PTPRD: variants seen among roughly 807,000 people sequenced by gnomAD.
PTPRD encodes receptor-type tyrosine-protein phosphatase delta.
A neutral mutation model predicts 214.5 loss-of-function variants in PTPRD; 34 were observed. The ratio of observed to expected loss-of-function variants is 0.16; its 90% CI spans 0.12 to 0.21. The LOEUF is 0.21. Ranked by LOEUF, PTPRD falls within the 10% of genes least tolerant of loss-of-function variation. The pLI is 1.00. For synonymous variants in PTPRD, 1,128 were observed against 845.7 expected, an observed-to-expected ratio of 1.33 and a Z score of -5.79; for missense variants, 2,545 against 2,398.7, an observed-to-expected ratio of 1.06 and a Z score of -1.27.
chr9:9,527,758 T>C (rs1016339006), intron 8 of PTPRD, among the ~76,000 whole-genome samples: 1 of 152,184 alleles, frequency 6.6e-6, no homozygotes, highest in Non-Finnish European at 1.5e-5. Context: ...ACAGAAGTAA[T>C]TGGGAAATTT....
At chr9:10,200,083 G>A (rs2099413569) in intron 3 of PTPRD, among the ~76,000 whole-genome samples, 1 of 151,916 alleles carries the variant, frequency 6.6e-6, no homozygotes, top group African/African-American at 2.4e-5. Flanking sequence ...TAATATTAGT[G>A]ATCAACACAT....
chr9:8,429,625 G>A (rs12335696), intron 35 of PTPRD, among the ~76,000 whole-genome samples: 1 of 152,066 alleles, frequency 6.6e-6, no homozygotes, highest in Non-Finnish European at 1.5e-5. Context: ...TCATATAAAA[G>A]GGTCATTATC....
chr9:8,979,529 C>G (rs1355430074), intron 11 of PTPRD, among the ~76,000 whole-genome samples: 1 of 151,960 alleles, frequency 6.6e-6, no homozygotes, highest in African/African-American at 2.4e-5. Flanking sequence ...AGAACTCTTA[C>G]AATGCAATAG....
At chr9:10,120,800 C>G (rs983877397) in intron 3 of PTPRD, among the ~76,000 whole-genome samples, 1 of 152,052 alleles carries the variant, frequency 6.6e-6, no homozygotes, top group African/African-American at 2.4e-5. Flanking sequence ...CTCTGACTCA[C>G]TTATCTTAAT....
intron 5 of PTPRD, among the ~76,000 whole-genome samples, chr9:9,789,946 CAG>C (rs2098955759): frequency 6.6e-6 from 1 of 151,148 alleles, no homozygotes; most frequent in African/African-American, 2.4e-5. Flanking sequence ...TCTTCAAAAA[CAG>C]AGGTTAATCA....
intron 5 of PTPRD, among the ~76,000 whole-genome samples, chr9:9,865,152 A>C (rs1272084787): frequency 1.3e-5 from 2 of 152,214 alleles, no homozygotes; most frequent in African/African-American, 4.8e-5. Context: ...CATTGGGATG[A>C]ATGACAAAAA....
intron 9 of PTPRD, among the ~76,000 whole-genome samples, chr9:9,279,231 C>T (rs1210499154): frequency 6.7e-6 from 1 of 149,606 alleles, no homozygotes; most frequent in East Asian, 2.0e-4. Context: ...TACATATATG[C>T]ATATATCTAT....
rs559859775 is a variant in PTPRD at position 8,610,477 on chromosome 9, A to G, written c.352+22840T>C. Among the ~76,000 whole-genome samples, 10 of 152,276 alleles carry G rather than the reference A, an allele frequency of 6.6e-5. No individual in the cohort carries two copies. In the South Asian group the frequency reaches 2.1e-3, roughly 32 times the overall value. ...CAGCCCAGTGTCCCAGCCACACCAC[A>G]TGGTCTCCTATAGATACCTGAATCC... is the stretch of plus-strand genomic sequence containing the variant. On this transcript the variant is annotated intron_variant, in intron 14 of 45. Transcript: ENST00000381196.
At chr9:9,634,234 G>A (rs1302462370) in intron 7 of PTPRD, among the ~76,000 whole-genome samples, 1 of 152,064 alleles carries the variant, frequency 6.6e-6, no homozygotes, top group Non-Finnish European at 1.5e-5. Context: ...TGGATATACT[G>A]AAATTACTAT....
At chr9:9,305,888 T>C (rs1270347797) in intron 9 of PTPRD, among the ~76,000 whole-genome samples, 1 of 152,128 alleles carries the variant, frequency 6.6e-6, no homozygotes, top group Non-Finnish European at 1.5e-5. Flanking sequence ...AGGAAGAATT[T>C]TTTTCCTAGC....
chr9:9,806,455 T>A (rs1331815386), intron 5 of PTPRD, among the ~76,000 whole-genome samples: 1 of 152,020 alleles, frequency 6.6e-6, no homozygotes, highest in Non-Finnish European at 1.5e-5. Flanking sequence ...CCCGCTCTTG[T>A]GACAATACAC....
chr9:8,386,605 G>A (rs575105606), intron 37 of PTPRD, among the ~76,000 whole-genome samples: 1 of 152,156 alleles, frequency 6.6e-6, no homozygotes. Context: ...TAGTTCCAAT[G>A]TCTGCTTTGA....
At chr9:8,654,170 C>T (rs1180933569) in intron 12 of PTPRD, among the ~76,000 whole-genome samples, 1 of 152,174 alleles carries the variant, frequency 6.6e-6, no homozygotes, top group Non-Finnish European at 1.5e-5. Context: ...AGTTTTAGCA[C>T]CAAAACTACT....
At chr9:9,327,577 T>C (rs1468626508) in intron 9 of PTPRD, among the ~76,000 whole-genome samples, 1 of 152,156 alleles carries the variant, frequency 6.6e-6, no homozygotes, top group Non-Finnish European at 1.5e-5. Flanking sequence ...TGACAGATAG[T>C]AATAACATCT....
chr9:8,630,534 G>A (rs932300672), intron 14 of PTPRD, among the ~76,000 whole-genome samples: 1 of 151,640 alleles, frequency 6.6e-6, no homozygotes, highest in African/African-American at 2.4e-5. Flanking sequence ...TTAAGATTAT[G>A]TTTAGACTAC....
intron 10 of PTPRD, among the ~76,000 whole-genome samples, chr9:9,115,794 C>T (rs748075429): frequency 7.2e-5 from 11 of 152,228 alleles, no homozygotes; most frequent in South Asian, 2.1e-4. Context: ...CAAAGCACTA[C>T]TCAGAATAGC....
chr9:8,474,221 G>A (rs2096717469), intron 30 of PTPRD, among the ~76,000 whole-genome samples: 1 of 151,954 alleles, frequency 6.6e-6, no homozygotes. Context: ...TGAAGTTCAT[G>A]CAATCCAGCT....
At chr9:8,668,492 T>C (rs2097212994) in intron 12 of PTPRD, among the ~76,000 whole-genome samples, 1 of 152,204 alleles carries the variant, frequency 6.6e-6, no homozygotes, top group South Asian at 2.1e-4. Flanking sequence ...GGCAAAGCGT[T>C]CCAGAAAGTA....
intron 7 of PTPRD, among the ~76,000 whole-genome samples, chr9:9,608,829 C>T (rs1167774383): frequency 1.3e-5 from 2 of 152,196 alleles, no homozygotes; most frequent in African/African-American, 4.8e-5. Context: ...GTCGATTATT[C>T]TGTACATTAC....
Sources: gnomAD v4.1 joint callset for allele counts (sites outside exome capture counted in the v4.1 genomes callset) on GRCh38, gnomAD v4.1.1 for gene constraint, MANE v1.5 for transcripts, NCBI Gene and HGNC (gene_info 2026-07-23, HGNC 2026-07-21) for gene names.